The following ARHGAP8 variants were observed in gnomAD, a reference collection of about 807,000 sequenced individuals.
ARHGAP8 encodes the protein Rho GTPase activating protein 8, also known as rho GTPase-activating protein 8.
Under a neutral mutation model 46.1 loss-of-function variants are expected in ARHGAP8, and 62 were observed. The observed-to-expected ratio is 1.34, with a 90% CI of 1.10 to 1.66. The LOEUF (loss-of-function observed/expected upper bound fraction) is 1.66, where lower values mean the gene tolerates loss of function less well. Ranked by LOEUF, ARHGAP8 falls within the 40% of genes most tolerant of loss-of-function variation. ARHGAP8 has a pLI of 0.00. For missense variants in ARHGAP8, 923 were observed against 568.4 expected (o/e 1.62, Z -6.34); for synonymous variants, 375 against 243.1 (o/e 1.54, Z -5.05).
chr22:44,762,224 G>A (rs1390879467), intron 1 of ARHGAP8, among the ~76,000 whole-genome samples: 1 of 152,170 alleles, frequency 6.6e-6, no homozygotes, highest in Non-Finnish European at 1.5e-5. Context: ...GATCACTTGA[G>A]GCCAGGAGTT....
At position 44,862,370 on chromosome 22, in the gene ARHGAP8, CCT is replaced by C. The variant is rs771834405; in HGVS notation, c.1078_1079del (p.Leu360GlufsTer11). 5 of 1,614,126 alleles carry C rather than the reference CCT, an allele frequency of 3.1e-6. No individual in the cohort carries two copies. Among genetic ancestry groups the C allele is most frequent in the Admixed American group, 1.7e-5 (1 of 60,016 alleles). On this transcript the variant is annotated frameshift_variant, in exon 12 of 12. Coordinates refer to ENST00000356099, the MANE Select transcript of ARHGAP8 (RefSeq NM_181335.3). LOFTEE classifies it low-confidence loss of function (END_TRUNC). ...LIWPSQGVSS[L>X]SALVPLNMFT... Reference sequence around the variant, plus strand: ...TCTGGCCATCCCAGGGGGTCTCCTCCCTGAGTGCCCTTGTGCCCCTGAACATG... The same window carrying C: ...TCTGGCCATCCCAGGGGGTCTCCTCCGAGTGCCCTTGTGCCCCTGAACATG...
intron 3 of ARHGAP8, among the ~76,000 whole-genome samples, chr22:44,807,970 C>T (rs1438727733): frequency 6.6e-6 from 1 of 152,212 alleles, no homozygotes; most frequent in East Asian, 1.9e-4. Flanking sequence ...CCCCTCCTCT[C>T]AAGGTCCTAA....
At chr22:44,809,757 C>T (rs910184441) in intron 4 of ARHGAP8, 6 of 152,934 alleles carry the variant, frequency 3.9e-5, no homozygotes, top group African/African-American at 1.2e-4. Flanking sequence ...ATGTGGATAT[C>T]CTAGATTCCT....
intron 8 of ARHGAP8, among the ~76,000 whole-genome samples, chr22:44,846,965 CAGAA>C (rs1232532380): frequency 1.3e-5 from 2 of 152,194 alleles, no homozygotes; most frequent in Non-Finnish European, 2.9e-5. Flanking sequence ...TGCCGTGTGA[CAGAA>C]AGGCCCCAGA....
At chr22:44,836,372 A>C (rs948504437) in intron 7 of ARHGAP8, among the ~76,000 whole-genome samples, 2 of 151,526 alleles carry the variant, frequency 1.3e-5, no homozygotes, top group East Asian at 3.9e-4. Context: ...TGTCTTTTGA[A>C]CCCAGGTATA....
rs35257490 is a variant in ARHGAP8, at chr22:44,754,338, T to TTGTGTGTGTG, written c.-72+1738_-72+1747dup. On this transcript the variant is annotated intron_variant, in intron 1 of 11. Transcript: ENST00000356099. ...ATAACATCATTGGGTCATTGAAACT[T>TTGTGTGTGTG]TGTGTGTGTGTGTGTGTGTGTGTGT... Among the ~76,000 whole-genome samples the TTGTGTGTGTG allele has an allele frequency of 9.0e-3, 1,319 of 146,594 alleles. 21 individuals are homozygous for TTGTGTGTGTG. The highest frequency in any genetic ancestry group is 0.03 in the African/African-American group (1,180 of 38,978).
At position 44,862,164 on chromosome 22, in the gene ARHGAP8, T is replaced by G. The variant is rs1569190838; in HGVS notation, c.982-111T>G. 4 of 1,332,704 alleles carry G rather than the reference T, an allele frequency of 3.0e-6. No individual in the cohort carries two copies. In the Admixed American group the frequency reaches 7.9e-5, roughly 26 times the overall value. 82.6% of individuals were successfully genotyped at this position (1,332,704 alleles called of 1,614,324 possible). On this transcript the variant is annotated intron_variant, in intron 11 of 11. Transcript: ENST00000356099. ...CCCATTACTGGCTGCCGGCTCCCAG[T>G]CCAGTGCTCCTCTCACTACACCTAC...
chr22:44,835,198 C>T (rs1234651380), intron 7 of ARHGAP8, among the ~76,000 whole-genome samples: 1 of 150,754 alleles, frequency 6.6e-6, no homozygotes, highest in Non-Finnish European at 1.5e-5. Flanking sequence ...TACATACTTT[C>T]TAGTGTACTG....
intron 5 of ARHGAP8, 87 bp downstream of exon 5, chr22:44,814,845 C>T: frequency 2.7e-6 from 4 of 1,468,328 alleles, no homozygotes; most frequent in African/African-American, 1.4e-5. Flanking sequence ...ATCCACGCAT[C>T]ATGGAGGGCC....
chr22:44,848,261 G>T (rs372486133), intron 9 of ARHGAP8, among the ~76,000 whole-genome samples: 1 of 152,236 alleles, frequency 6.6e-6, no homozygotes, highest in Non-Finnish European at 1.5e-5. Context: ...AACCCCACTG[G>T]GACATGGTGG....
At chr22:44,771,347 A>C (rs1010864576) in intron 1 of ARHGAP8, among the ~76,000 whole-genome samples, 5 of 147,538 alleles carry the variant, frequency 3.4e-5, no homozygotes, top group African/African-American at 1.2e-4. Flanking sequence ...CCCTGGTTCA[A>C]GCAATTCTCC....
At chr22:44,767,062 C>G (rs1925630527) in intron 1 of ARHGAP8, among the ~76,000 whole-genome samples, 1 of 152,208 alleles carries the variant, frequency 6.6e-6, no homozygotes, top group African/African-American at 2.4e-5. Context: ...AGGAGCCATC[C>G]TCAGGCTGGT....
intron 2 of ARHGAP8, among the ~76,000 whole-genome samples, chr22:44,792,781 A>T (rs896577913): frequency 3.4e-5 from 5 of 147,852 alleles, no homozygotes; most frequent in African/African-American, 1.3e-4. Context: ...TAGAATTTTG[A>T]CACTAACGAC....
rs145362360 is a variant in ARHGAP8, at chr22:44,779,389, C to T, written c.-71-7068C>T. On this transcript the variant is annotated intron_variant, in intron 1 of 11. Transcript: ENST00000356099. The stretch of plus-strand genomic sequence containing the variant: ...GTTCTTGGATTGCAAGCATGAGCTA[C>T]TGCGCCCGGCCGGTGTCTGACTTTT... Among the ~76,000 whole-genome samples the T allele has an allele frequency of 5.3e-5, 8 of 152,004 alleles. No homozygotes were observed. In the East Asian group the frequency reaches 1.6e-3, roughly 30 times the overall value.
chr22:44,800,307 T>C (rs4823260), intron 2 of ARHGAP8, among the ~76,000 whole-genome samples: 41,251 of 151,684 alleles, frequency 0.27, 6,481 homozygotes, highest in East Asian at 0.44. Context: ...GGTTTCACCA[T>C]GCTGGCCAGG....
chr22:44,770,105 A>G lies in ARHGAP8; in HGVS notation c.-71-16352A>G, dbSNP rs1426312409. On this transcript the variant is annotated intron_variant, in intron 1 of 11. Transcript: ENST00000356099. ...CTAAAAACACAAAAATTAGCCAGGC[A>G]TGGTGGTGTGCACCTGTAATCCCAG... 2.0e-5 allele frequency among the ~76,000 whole-genome samples: 3 copies of G among 152,052 alleles called. No homozygotes were observed. The East Asian group carries it at 5.8e-4, about 29-fold the overall frequency.
chr22:44,861,156 G>C lies in ARHGAP8; in HGVS notation c.982-1119G>C, dbSNP rs563200388. ...CCGGCTAATTTTTGTTTTTTTAGTA[G>C]AGATGGGGTTTCGTCACATTGGCCA... On this transcript the variant is annotated intron_variant, in intron 11 of 11. Coordinates refer to ENST00000356099, the MANE Select transcript of ARHGAP8 (RefSeq NM_181335.3). Among the ~76,000 whole-genome samples, 108 of 152,250 alleles carry C rather than the reference G, an allele frequency of 7.1e-4. 1 individual carries two copies. The highest frequency in any genetic ancestry group is 1.3e-3 in the Non-Finnish European group (89 of 68,022).
At chr22:44,825,137 C>T (rs148882814) in intron 6 of ARHGAP8, among the ~76,000 whole-genome samples, 23 of 152,042 alleles carry the variant, frequency 1.5e-4, no homozygotes, top group Non-Finnish European at 2.4e-4. Flanking sequence ...TACCGGCCAG[C>T]TCTCGTCTTA....
chr22:44,775,908 GCC>G (rs556867715), intron 1 of ARHGAP8, among the ~76,000 whole-genome samples: 20 of 152,176 alleles, frequency 1.3e-4, no homozygotes, highest in Admixed American at 5.9e-4. Context: ...ACCTAGATTG[GCC>G]CACATTTCCA....
Sources: allele counts gnomAD v4.1 joint callset (sites outside exome capture counted in the v4.1 genomes callset), GRCh38; gene constraint gnomAD v4.1.1; transcripts MANE v1.5; gene names NCBI Gene and HGNC (gene_info 2026-07-23, HGNC 2026-07-21).